KANK4: variants seen among roughly 807,000 people sequenced by gnomAD.
The protein encoded by KANK4 is KN motif and ankyrin repeat domain-containing protein 4.
In KANK4, 50 loss-of-function variants were observed where a neutral mutation model predicts 80.8. The ratio of observed to expected loss-of-function variants is 0.62; its 90% confidence interval spans 0.49 to 0.78. KANK4 has a LOEUF of 0.78. KANK4 is among the 30% of genes least tolerant of loss of function. The pLI is 0.00. For synonymous variants in KANK4, 465 were observed against 506.9 expected, an observed-to-expected ratio of 0.92 and a Z score of 1.11; for missense variants, 1,196 against 1,240.1, an observed-to-expected ratio of 0.96 and a Z score of 0.53.
intron 6 of KANK4, chr1:62,263,516 G>A: frequency 3.5e-6 from 2 of 564,936 alleles, no homozygotes; most frequent in South Asian, 2.2e-5. Context: ...TCTGGGAGTG[G>A]AAAGGAAGAC....
At position 62,236,205 on chromosome 1, in the gene KANK4, C is replaced by T. The variant is rs138479182; in HGVS notation, c.*2072G>A. Among the ~76,000 whole-genome samples, 455 of 152,202 alleles carry T rather than the reference C, an allele frequency of 3.0e-3. 2 individuals carry two copies. The highest frequency in any genetic ancestry group is 4.6e-3 in the Admixed American group (71 of 15,274). Reference sequence around the variant, plus strand: ...TAATATAACAAACAATAAGGATAGGCCAGAGGCTTGCTACTCAAAGTGTGG... The same window carrying T: ...TAATATAACAAACAATAAGGATAGGTCAGAGGCTTGCTACTCAAAGTGTGG... On this transcript the variant is annotated 3_prime_UTR_variant, in exon 10 of 10. Coordinates refer to ENST00000371153, the MANE Select transcript of KANK4 (RefSeq NM_181712.5).
chr1:62,266,639 C>T (rs1672028115), intron 6 of KANK4, 93 bp downstream of exon 6: 1 of 804,486 alleles, frequency 1.2e-6, no homozygotes, highest in East Asian at 2.5e-5. Context: ...CACTGCCTGC[C>T]TCACACCACT....
chr1:62,283,286 T>A (rs1180892464), intron 1 of KANK4, among the ~76,000 whole-genome samples: 1 of 152,182 alleles, frequency 6.6e-6, no homozygotes, highest in East Asian at 1.9e-4. Context: ...CGGGCAGAGC[T>A]GGGAGTACTT....
chr1:62,253,697 C>T (rs925926771), intron 7 of KANK4, among the ~76,000 whole-genome samples: 1 of 152,182 alleles, frequency 6.6e-6, no homozygotes, highest in Admixed American at 6.5e-5. Context: ...CAGGCATGAG[C>T]CACCGCGCCC....
intron 2 of KANK4, among the ~76,000 whole-genome samples, chr1:62,280,963 A>T (rs1672439075): frequency 6.6e-6 from 1 of 152,158 alleles, no homozygotes; most frequent in Non-Finnish European, 1.5e-5. Context: ...TGCACATTGG[A>T]GTCAGTCTGT....
In KANK4 at chr1:62,236,415, C is replaced by A. The variant is rs961815856; in HGVS notation, c.*1862G>T. Among the ~76,000 whole-genome samples, 5 of 152,178 alleles carry A rather than the reference C, an allele frequency of 3.3e-5. No individual in the cohort carries two copies. In the East Asian group the frequency reaches 9.7e-4, roughly 29 times the overall value. ...TTGCTCTTACAATGTATTTTGAGGT[C>A]AAAATAAACTCATTTAAAGCATTTT... On this transcript the variant is annotated 3_prime_UTR_variant, in exon 10 of 10. Transcript: ENST00000371153.
At chr1:62,281,522 C>T (rs748643194) in intron 2 of KANK4, 27 bp downstream of exon 2, 10 of 1,614,158 alleles carry the variant, frequency 6.2e-6, no homozygotes, top group Non-Finnish European at 8.5e-6. Context: ...TTATCTTAAA[C>T]CAGGCCCTAC....
rs5774594 is a variant in KANK4 at position 62,293,254 on chromosome 1, ATT to A, written c.-70-11622_-70-11621del. Among the ~76,000 whole-genome samples, 935 of 148,776 alleles carry A rather than the reference ATT, an allele frequency of 6.3e-3. 8 individuals are homozygous for A. Among genetic ancestry groups the A allele is most frequent in the African/African-American group, 0.021 (862 of 40,534 alleles). On this transcript the variant is annotated intron_variant, in intron 1 of 9. Transcript: ENST00000371153. ...AGGCATGCACCACCACACCCCGCTA[ATT>A]TTTTTTTTTTGTATTTTTAGTAGAG...
At chr1:62,266,003 A>T (rs1672008122) in intron 6 of KANK4, among the ~76,000 whole-genome samples, 1 of 152,196 alleles carries the variant, frequency 6.6e-6, no homozygotes, top group South Asian at 2.1e-4. Context: ...CTTGCCTAAT[A>T]TCTCACAGAT....
rs1185989800 is a variant in KANK4, at chr1:62,274,731, C to A, written c.373G>T (p.Val125Leu). The change falls in exon 3 of 10, where the codon GTG becomes TTG. Residue 125 changes from valine (V) to leucine (L), a missense_variant. By Grantham distance (32) the Val-to-Leu change is conservative. Transcript: ENST00000371153. Reference protein sequence around the residue: ...APQASTSRSEVSYHRKALLAE... With the variant: ...APQASTSRSELSYHRKALLAE... ...AACAGAGCCTTCCTGTGGTAGCTCA[C>A]CTCACTCCTGCTTGTTGAGGCCTGG... 1 of 1,614,208 alleles carries A rather than the reference C, an allele frequency of 6.2e-7. No individual in the cohort carries two copies. The highest frequency in any genetic ancestry group is 8.5e-7 in the Non-Finnish European group (1 of 1,180,032).
chr1:62,279,198 G>GCGCGCGCACACA (rs1282615199), intron 2 of KANK4, among the ~76,000 whole-genome samples: 43 of 146,288 alleles, frequency 2.9e-4, no homozygotes, highest in African/African-American at 8.6e-4. Flanking sequence ...GCTAGCGCGC[G>GCGCGCGCACACA]CACACACACA....
intron 7 of KANK4, among the ~76,000 whole-genome samples, chr1:62,256,368 C>T (rs1671751630): frequency 6.6e-6 from 1 of 151,942 alleles, no homozygotes; most frequent in South Asian, 2.1e-4. Flanking sequence ...GATATTCCCT[C>T]CACCCCACAA....
At position 62,266,729 on chromosome 1, in the gene KANK4, T is replaced by C; in HGVS notation, c.2319+3A>G. On this transcript the variant is annotated splice_donor_region_variant and intron_variant, in intron 6 of 9. Coordinates refer to ENST00000371153, the MANE Select transcript of KANK4 (RefSeq NM_181712.5). Reference sequence around the variant, plus strand: ...TTTACATGACAATGAAAAATTAGAGTACCAAGAGCTGGTCTGTGGTGGTCC... The same window carrying C: ...TTTACATGACAATGAAAAATTAGAGCACCAAGAGCTGGTCTGTGGTGGTCC... 4 of 1,584,374 alleles carry C rather than the reference T, an allele frequency of 2.5e-6. No homozygotes were observed. Among genetic ancestry groups the C allele is most frequent in the Non-Finnish European group, 3.5e-6 (4 of 1,154,948 alleles).
At chr1:62,279,014 G>A (rs1185314223) in intron 2 of KANK4, among the ~76,000 whole-genome samples, 1 of 152,152 alleles carries the variant, frequency 6.6e-6, no homozygotes. Flanking sequence ...GAAATGCACC[G>A]ATTTGCCCAA....
At chr1:62,311,657 T>C (rs1644499241) in intron 1 of KANK4, among the ~76,000 whole-genome samples, 1 of 152,100 alleles carries the variant, frequency 6.6e-6, no homozygotes, top group Non-Finnish European at 1.5e-5. Flanking sequence ...CCTCTCGGGA[T>C]CATCATTGCG....
chr1:62,265,102 A>G (rs895772232), intron 6 of KANK4, among the ~76,000 whole-genome samples: 1 of 152,160 alleles, frequency 6.6e-6, no homozygotes, highest in African/African-American at 2.4e-5. Context: ...AAGTGCTGGG[A>G]TTACAGGCGT....
intron 1 of KANK4, among the ~76,000 whole-genome samples, chr1:62,288,129 G>A (rs2366206): frequency 0.26 from 38,914 of 151,878 alleles, 6,152 homozygotes; most frequent in South Asian, 0.38. Flanking sequence ...AAGACCAGCA[G>A]CCAGCTTCAT....
At chr1:62,296,043 C>G (rs1164678115) in intron 1 of KANK4, among the ~76,000 whole-genome samples, 2 of 152,246 alleles carry the variant, frequency 1.3e-5, no homozygotes, top group Non-Finnish European at 2.9e-5. Context: ...GATGCTGCCT[C>G]ATGGCCCAGC....
intron 9 of KANK4, among the ~76,000 whole-genome samples, chr1:62,242,494 C>A (rs1434633533): frequency 6.6e-6 from 1 of 151,704 alleles, no homozygotes; most frequent in Non-Finnish European, 1.5e-5. Flanking sequence ...CTATGCATCA[C>A]CCAAAGATGA....
Sources: gnomAD v4.1 joint callset for allele counts (sites outside exome capture counted in the v4.1 genomes callset) on GRCh38, gnomAD v4.1.1 for gene constraint, MANE v1.5 for transcripts, NCBI Gene and HGNC (gene_info 2026-07-23, HGNC 2026-07-21) for gene names.